Variants in TSLP observed in about 807,000 individuals in gnomAD.
TSLP encodes the protein thymic stromal lymphopoietin, also known as thymic stroma-derived lymphopoietin.
A neutral mutation model predicts 12.4 loss-of-function variants in TSLP; 12 were observed. The ratio of observed to expected loss-of-function variants is 0.97; its 90% CI spans 0.62 to 1.57. The LOEUF is 1.57. Among genes scored for constraint, TSLP ranks in the 40% most tolerant of loss-of-function variants. The pLI is 0.00. For synonymous variants in TSLP, 97 were observed against 69.5 expected, an observed-to-expected ratio of 1.40 and a Z score of -1.97; for missense variants, 222 against 189.6, an observed-to-expected ratio of 1.17 and a Z score of -1.00.
In TSLP at chr5:111,077,934, A is replaced by T. The variant is rs563125523; in HGVS notation, c.*1860A>T. Reference sequence around the variant, plus strand: ...GTGGATCATACATCTCTGGTTTTTTAAATGTATTGAGGCTTTCTTGGTGGA... The same window carrying T: ...GTGGATCATACATCTCTGGTTTTTTTAATGTATTGAGGCTTTCTTGGTGGA... On this transcript the variant is annotated 3_prime_UTR_variant, in exon 4 of 4. Coordinates refer to ENST00000344895, the MANE Select transcript of TSLP (RefSeq NM_033035.5). 1 of 152,704 alleles carries T rather than the reference A, an allele frequency of 6.5e-6. No homozygotes were observed. The highest frequency in any genetic ancestry group is 2.1e-4 in the South Asian group (1 of 4,818). 9.5% of individuals were successfully genotyped at this position (152,704 alleles called of 1,614,324 possible). A position where few individuals can be genotyped will look rare whatever the true frequency, so the allele number is the denominator to read the frequency against.
intron 3 of TSLP, 83 bp from the exon 4 acceptor site, chr5:111,075,863 T>C (rs947571928): frequency 2.3e-5 from 32 of 1,404,038 alleles, no homozygotes; most frequent in Non-Finnish European, 3.1e-5. Flanking sequence ...TGGATTTGCA[T>C]AGAGAAGGCA....
intron 3 of TSLP, among the ~76,000 whole-genome samples, chr5:111,075,283 G>T (rs886414390): frequency 1.3e-5 from 2 of 152,026 alleles, no homozygotes; most frequent in South Asian, 4.2e-4. Context: ...ATGTGTCTAG[G>T]AGGCCCAGTG....
intron 3 of TSLP, among the ~76,000 whole-genome samples, chr5:111,074,696 T>C (rs1241396640): frequency 6.8e-6 from 1 of 146,640 alleles, no homozygotes; most frequent in African/African-American, 2.5e-5. Context: ...AGTGGCACGA[T>C]CTCAGCTCAC....
At chr5:111,071,093 G>A (rs1395733012), upstream of TSLP, 1 of 200,794 alleles carries the variant, frequency 5.0e-6, no homozygotes, top group East Asian at 1.1e-4. Context: ...AATTTGAAAA[G>A]TAGGGTTTTT....
chr5:111,072,348 G>A (rs1031823738), intron 1 of TSLP, among the ~76,000 whole-genome samples: 1 of 152,178 alleles, frequency 6.6e-6, no homozygotes, highest in Non-Finnish European at 1.5e-5. Context: ...CTCTGACTAT[G>A]CTGTAAAAAG....
chr5:111,072,207 A>G (rs1431062672), intron 1 of TSLP, 146 bp downstream of exon 1: 3 of 710,298 alleles, frequency 4.2e-6, no homozygotes, highest in Non-Finnish European at 6.7e-6. Flanking sequence ...TACAAGTGAT[A>G]TTCAAATATC....
intron 3 of TSLP, 83 bp from the exon 4 acceptor site, chr5:111,075,863 T>A (rs947571928): frequency 7.1e-7 from 1 of 1,404,156 alleles, no homozygotes; most frequent in Admixed American, 2.0e-5. Context: ...TGGATTTGCA[T>A]AGAGAAGGCA....
rs928222172 is a variant in TSLP, at chr5:111,077,282, G to A, written c.*1208G>A. 1 of 152,222 alleles carries A rather than the reference G, an allele frequency of 6.6e-6. No homozygotes were observed. The highest frequency in any genetic ancestry group is 2.4e-5 in the African/African-American group (1 of 41,450). The allele number at this position is 152,222 out of a possible 1,614,324, so 9.4% of individuals were successfully genotyped here. ...GGGGCTAAACCATGACAGAAGTGGG[G>A]AAGTTCAATGTCCTTAAATCCATCT... On this transcript the variant is annotated 3_prime_UTR_variant, in exon 4 of 4. Transcript: ENST00000344895.
rs2112551119 is a variant in TSLP, at chr5:111,077,941, T to C, written c.*1867T>C. On this transcript the variant is annotated 3_prime_UTR_variant, in exon 4 of 4. Coordinates refer to ENST00000344895, the MANE Select transcript of TSLP (RefSeq NM_033035.5). ...ATACATCTCTGGTTTTTTAAATGTA[T>C]TGAGGCTTTCTTGGTGGACTAGTAT... 6.5e-6 allele frequency: 1 copy of C among 152,706 alleles called. No individual in the cohort carries two copies. The highest frequency in any genetic ancestry group is 2.4e-5 in the African/African-American group (1 of 41,564). 9.5% of individuals were successfully genotyped at this position (152,706 alleles called of 1,614,324 possible).
chr5:111,071,463 T>C (rs1269053792), upstream of TSLP: 1 of 1,536,462 alleles, frequency 6.5e-7, no homozygotes, highest in East Asian at 2.4e-5. Context: ...GGTATCCGTT[T>C]CTTAAAGGAC....
rs1364629847 is a variant in TSLP at position 111,075,948 on chromosome 5, A to G, written c.354A>G (p.Ile118Met). 6.2e-7 allele frequency: 1 copy of G among 1,612,786 alleles called. No individual in the cohort carries two copies. Among genetic ancestry groups the G allele is most frequent in the Admixed American group, 1.7e-5 (1 of 59,418 alleles). Reference protein sequence around the residue: ...IWCPGYSETQINATQAMKKRR... With the variant: ...IWCPGYSETQMNATQAMKKRR... ...CTATTGATTCTTATATTCTGCAGAT[A>G]AATGCTACTCAGGCAATGAAGAAGA... The change falls in exon 4 of 4, where the codon ATA becomes ATG. Residue 118 changes from isoleucine to methionine, a missense_variant and splice_region_variant. Transcript: ENST00000344895.
chr5:111,076,009 G>C lies in TSLP; in HGVS notation c.415G>C (p.Glu139Gln). 6.2e-7 allele frequency: 1 copy of C among 1,614,056 alleles called. No individual in the cohort carries two copies. Among genetic ancestry groups the C allele is most frequent in the Non-Finnish European group, 8.5e-7 (1 of 1,179,972 alleles). ...GAAAGTCACAACCAATAAATGTCTGGAACAAGTGTCACAATTACAAGGATT... is the reference window on the plus strand; with the variant it reads ...GAAAGTCACAACCAATAAATGTCTGCAACAAGTGTCACAATTACAAGGATT... ...KRKVTTNKCL[E>Q]QVSQLQGLWR... The change falls in exon 4 of 4, where the codon GAA (glutamate) becomes CAA (glutamine). Residue 139 changes from glutamate to glutamine, a missense_variant. By Grantham distance (29) the Glu-to-Gln change is conservative (BLOSUM62 2). Transcript: ENST00000344895.
At position 111,072,014 on chromosome 5, in the gene TSLP, G is replaced by A. The variant is rs2112541744; in HGVS notation, c.124G>A (p.Ala42Thr). 6.2e-7 allele frequency: 1 copy of A among 1,614,170 alleles called. No homozygotes were observed. The highest frequency in any genetic ancestry group is 2.2e-5 in the East Asian group (1 of 44,890). ...CTGTGACTTTGAGAAGATTAAAGCA[G>A]CCTATCTCAGTACTATTTCTAAAGA... ...TNCDFEKIKAAYLSTISKDLI... is the reference protein window; with the variant it reads ...TNCDFEKIKATYLSTISKDLI... The change falls in exon 1 of 4, where the codon GCC (alanine) becomes ACC (threonine). Residue 42 changes from alanine to threonine, a missense_variant. Transcript: ENST00000344895.
In TSLP at chr5:111,071,909, C is replaced by A. The variant is rs1257910285; in HGVS notation, c.19C>A (p.Leu7Ile). 1 of 1,614,162 alleles carries A rather than the reference C, an allele frequency of 6.2e-7. No individual in the cohort carries two copies. The change falls in exon 1 of 4, where the codon CTA becomes ATA. Residue 7 changes from leucine (L) to isoleucine (I), a missense_variant. Transcript: ENST00000344895. Reference protein sequence around the residue: MFPFALLYVLSVSFRKI... With the variant: MFPFALIYVLSVSFRKI... ...TCCACGTATGTTCCCTTTTGCCTTA[C>A]TATATGTTCTGTCAGTTTCTTTCAG...
In TSLP at chr5:111,073,596, A is replaced by C. The variant is rs754185923; in HGVS notation, c.302A>C (p.Lys101Thr). The C allele has an allele frequency of 6.2e-7, 1 of 1,614,196 alleles. No individual in the cohort carries two copies. Residue 101 changes from lysine (K) to threonine (T), a missense_variant, in exon 3 of 4, where the codon AAA (lysine) becomes ACA (threonine). Lys to Thr is a moderately conservative substitution (Grantham distance 78, BLOSUM62 -1). Transcript: ENST00000344895. ...CTCGCCAAAGAAATGTTCGCCATGAAAACTAAGGCTGCCTTAGCTATCTGG... is the reference window on the plus strand; with the variant it reads ...CTCGCCAAAGAAATGTTCGCCATGACAACTAAGGCTGCCTTAGCTATCTGG... The part of the protein sequence containing the change: ...ASLAKEMFAM[K>T]TKAALAIWCP...
chr5:111,074,393 C>T (rs898741754), intron 3 of TSLP, among the ~76,000 whole-genome samples: 7 of 152,100 alleles, frequency 4.6e-5, no homozygotes, highest in Admixed American at 1.3e-4. Context: ...ATCAGTTAGT[C>T]TTATACAGGT....
chr5:111,075,530 A>G (rs536219478), intron 3 of TSLP, among the ~76,000 whole-genome samples: 3 of 152,346 alleles, frequency 2.0e-5, no homozygotes, highest in African/African-American at 7.2e-5. Context: ...TCTTGAAATC[A>G]GCAATTTATT....
At chr5:111,071,395 G>A (rs1482459783), upstream of TSLP, 2 of 1,472,886 alleles carry the variant, frequency 1.4e-6, no homozygotes, top group East Asian at 5.0e-5. Context: ...GTTTCAGAAG[G>A]TGTTTCTCCC....
chr5:111,072,832 T>C lies in TSLP; in HGVS notation c.172-56T>C, dbSNP rs201695215. On this transcript the variant is annotated intron_variant, in intron 1 of 3. Coordinates refer to ENST00000344895, the MANE Select transcript of TSLP (RefSeq NM_033035.5). ...TGGGAGCAAAGGGTGGAGGGATGAT[T>C]TTCCTTGTGGACTTAAAAGTCTTTA... 42 of 1,581,964 alleles carry C rather than the reference T, an allele frequency of 2.7e-5. No individual in the cohort carries two copies. In the Admixed American group the frequency reaches 7.0e-4, roughly 26 times the overall value.
Sources: gnomAD v4.1 joint callset for allele counts (sites outside exome capture counted in the v4.1 genomes callset) on GRCh38, gnomAD v4.1.1 for gene constraint, MANE v1.5 for transcripts, NCBI Gene and HGNC (gene_info 2026-07-23, HGNC 2026-07-21) for gene names.